Variants in EYS observed in about 807,000 individuals in gnomAD.
EYS encodes EGF-like photoreceptor maintenance factor.
A neutral mutation model predicts 282.1 loss-of-function variants in EYS; 250 were observed. The ratio of observed to expected loss-of-function variants is 0.89; its 90% CI spans 0.80 to 0.98. EYS has a LOEUF of 0.98. Among genes scored for constraint, EYS ranks in the 50% least tolerant of loss-of-function variants. The pLI is 0.00. For missense variants in EYS, 4,016 were observed against 3,709.0 expected (o/e 1.08, Z -2.15); for synonymous variants, 1,355 against 1,282.9 (o/e 1.06, Z -1.20).
At chr6:65,440,897 G>GTTTATA (rs1768293682) in intron 5 of EYS, among the ~76,000 whole-genome samples, 1 of 145,670 alleles carries the variant, frequency 6.9e-6, no homozygotes, top group Non-Finnish European at 1.5e-5. Flanking sequence ...ATATGTTTAT[G>GTTTATA]TATAATATAT....
chr6:65,157,301 G>A, intron 12 of EYS, among the ~76,000 whole-genome samples: 1 of 150,766 alleles, frequency 6.6e-6, no homozygotes, highest in East Asian at 2.0e-4. Flanking sequence ...GATACATTAG[G>A]TCATGTTATG....
intron 12 of EYS, among the ~76,000 whole-genome samples, chr6:65,061,985 C>T (rs1179858458): frequency 1.3e-5 from 2 of 151,986 alleles, no homozygotes; most frequent in African/African-American, 4.8e-5. Flanking sequence ...TTTCTCCTGT[C>T]CATTGGATGT....
intron 1 of EYS, among the ~76,000 whole-genome samples, chr6:65,701,679 T>C (rs1004912469): frequency 7.2e-5 from 11 of 152,208 alleles, no homozygotes; most frequent in African/African-American, 2.7e-4. Context: ...TGATTTTTTT[T>C]CTCACACCTC....
chr6:63,841,150 T>C (rs959850032), intron 36 of EYS, among the ~76,000 whole-genome samples: 2 of 152,214 alleles, frequency 1.3e-5, no homozygotes, highest in African/African-American at 4.8e-5. Flanking sequence ...TGTTTAAATA[T>C]AATTTTAGTC....
intron 13 of EYS, among the ~76,000 whole-genome samples, chr6:65,001,117 C>CAGAAGTCTCTACCCAGCAG (rs1346641497): frequency 2.0e-5 from 3 of 149,164 alleles, no homozygotes; most frequent in East Asian, 2.1e-4. Flanking sequence ...TGCTCTCAGC[C>CAGAAGTCTCTACCCAGCAG]TTGCTGTCCG....
chr6:65,180,377 T>C (rs894440798), intron 12 of EYS, among the ~76,000 whole-genome samples: 17 of 152,200 alleles, frequency 1.1e-4, no homozygotes, highest in African/African-American at 3.1e-4. Context: ...ACAAAATCAA[T>C]GTGCAAAAAT....
intron 5 of EYS, among the ~76,000 whole-genome samples, chr6:65,418,704 T>C (rs1767336570): frequency 6.6e-6 from 1 of 151,816 alleles, no homozygotes; most frequent in Admixed American, 6.6e-5. Flanking sequence ...CAGAGACCTG[T>C]TGGGGGTTGG....
intron 13 of EYS, among the ~76,000 whole-genome samples, chr6:65,011,283 A>G (rs1771857768): frequency 6.6e-6 from 1 of 152,220 alleles, no homozygotes; most frequent in Non-Finnish European, 1.5e-5. Context: ...ACTATCAAGC[A>G]GATAGTCAGG....
chr6:65,554,225 T>C (rs1489111389), intron 2 of EYS, among the ~76,000 whole-genome samples: 4 of 152,190 alleles, frequency 2.6e-5, no homozygotes, highest in Non-Finnish European at 5.9e-5. Context: ...CTTGTTATAG[T>C]AGCCCACAGA....
intron 1 of EYS, among the ~76,000 whole-genome samples, chr6:65,686,531 T>C (rs1332956485): frequency 1.3e-5 from 2 of 152,080 alleles, no homozygotes; most frequent in African/African-American, 4.8e-5. Flanking sequence ...CACAAACACA[T>C]ACGAATACAT....
At chr6:64,975,317 A>G (rs1329227114) in intron 14 of EYS, among the ~76,000 whole-genome samples, 1 of 151,892 alleles carries the variant, frequency 6.6e-6, no homozygotes, top group Non-Finnish European at 1.5e-5. Flanking sequence ...ACATTACTAT[A>G]AATATAAATA....
intron 2 of EYS, among the ~76,000 whole-genome samples, chr6:65,548,795 TAC>T (rs1768490199): frequency 6.6e-6 from 1 of 152,234 alleles, no homozygotes; most frequent in Non-Finnish European, 1.5e-5. Flanking sequence ...TGGATACAAA[TAC>T]ACAGACAATT....
At chr6:65,543,810 G>C (rs1768273052) in intron 2 of EYS, among the ~76,000 whole-genome samples, 1 of 152,162 alleles carries the variant, frequency 6.6e-6, no homozygotes, top group Non-Finnish European at 1.5e-5. Context: ...AGATGACTTT[G>C]AGTGGAACAA....
At chr6:64,686,696 C>T (rs990538709) in intron 22 of EYS, among the ~76,000 whole-genome samples, 4 of 143,714 alleles carry the variant, frequency 2.8e-5, no homozygotes, top group Non-Finnish European at 4.5e-5. Context: ...GAGCCAAGAT[C>T]GCACCACTGC....
intron 2 of EYS, among the ~76,000 whole-genome samples, chr6:65,629,181 C>T (rs1562298288): frequency 1.3e-5 from 2 of 152,146 alleles, no homozygotes; most frequent in Non-Finnish European, 2.9e-5. Context: ...TCTACAGATT[C>T]CTGGCAGGAT....
At chr6:63,947,691 A>T (rs1765439785) in intron 35 of EYS, among the ~76,000 whole-genome samples, 1 of 152,152 alleles carries the variant, frequency 6.6e-6, no homozygotes, top group South Asian at 2.1e-4. Context: ...AGTGGTAAAG[A>T]TGTTAAATGT....
At chr6:65,618,530 T>C (rs1471689907) in intron 2 of EYS, among the ~76,000 whole-genome samples, 6 of 152,228 alleles carry the variant, frequency 3.9e-5, no homozygotes, top group African/African-American at 1.4e-4. Context: ...GGTAGTTTCT[T>C]TTGCTGTGCA....
At chr6:64,607,021 C>T (rs566122868) in intron 24 of EYS, among the ~76,000 whole-genome samples, 1 of 151,882 alleles carries the variant, frequency 6.6e-6, no homozygotes, top group Admixed American at 6.6e-5. Context: ...GGGGGAAAAG[C>T]TTAAAGCAGG....
At chr6:63,923,557 T>C (rs117716344) in intron 35 of EYS, among the ~76,000 whole-genome samples, 2 of 152,200 alleles carry the variant, frequency 1.3e-5, no homozygotes, top group East Asian at 3.8e-4. Flanking sequence ...AAAATTTTTA[T>C]AAGAAAAAAA....
Sources: allele counts gnomAD v4.1 joint callset (sites outside exome capture counted in the v4.1 genomes callset), GRCh38; gene constraint gnomAD v4.1.1; transcripts MANE v1.5; gene names NCBI Gene and HGNC (gene_info 2026-07-23, HGNC 2026-07-21).